The following PLEKHG7 variants were observed in gnomAD, a reference collection of about 807,000 sequenced individuals.
PLEKHG7 encodes the protein pleckstrin homology domain-containing family G member 7.
Under a neutral mutation model 85.2 loss-of-function variants are expected in PLEKHG7, and 77 were observed. The observed-to-expected ratio is 0.90, with a 90% confidence interval of 0.75 to 1.09. The LOEUF (loss-of-function observed/expected upper bound fraction) is 1.09, where lower values mean the gene tolerates loss of function less well. Ranked by LOEUF, PLEKHG7 falls within the 50% of genes least tolerant of loss-of-function variation. The pLI is 0.00. For missense variants in PLEKHG7, 777 were observed against 804.3 expected (o/e 0.97, Z 0.41); for synonymous variants, 301 against 302.4 (o/e 1.00, Z 0.05).
At chr12:92,713,491 G>GGCCTCTGCAC (rs1871404347) in intron 3 of PLEKHG7, among the ~76,000 whole-genome samples, 1 of 152,142 alleles carries the variant, frequency 6.6e-6, no homozygotes, top group Non-Finnish European at 1.5e-5. Context: ...GTTGAGTGCT[G>GGCCTCTGCAC]CCACCTGGCC....
chr12:92,704,289 A>G (rs1871171393), intron 1 of PLEKHG7, among the ~76,000 whole-genome samples: 1 of 152,074 alleles, frequency 6.6e-6, no homozygotes. Flanking sequence ...GAAAGAAAGT[A>G]CCTATAGATT....
chr12:92,760,447 A>G (rs1872954244), intron 13 of PLEKHG7, among the ~76,000 whole-genome samples: 1 of 152,204 alleles, frequency 6.6e-6, no homozygotes, highest in African/African-American at 2.4e-5. Context: ...GATAGAAATG[A>G]ATCCTAAATG....
chr12:92,747,786 G>A (rs1188941744), intron 10 of PLEKHG7, among the ~76,000 whole-genome samples: 3 of 152,182 alleles, frequency 2.0e-5, no homozygotes, highest in Non-Finnish European at 2.9e-5. Flanking sequence ...AGTGAAATAA[G>A]CCAAGCACAG....
Position 92,764,202 on chromosome 12 carries a change from T to C in PLEKHG7, c.1870+8T>C. The C allele has an allele frequency of 4.4e-6, 7 of 1,595,036 alleles. No homozygotes were observed. Among genetic ancestry groups the C allele is most frequent in the Non-Finnish European group, 6.0e-6 (7 of 1,170,030 alleles). On this transcript the variant is annotated splice_region_variant and intron_variant, in intron 15 of 16. Transcript: ENST00000344636. ...AACCACTCCATGTGTCAGGTATGTG[T>C]CTATTTTCATTATTCAGCTCATCTG...
intron 3 of PLEKHG7, among the ~76,000 whole-genome samples, chr12:92,722,493 C>A (rs1201846288): frequency 6.6e-6 from 1 of 152,112 alleles, no homozygotes. Context: ...CCAGAATTAG[C>A]ATTAGTGGGT....
chr12:92,762,238 G>T (rs939329391), intron 14 of PLEKHG7, among the ~76,000 whole-genome samples: 16 of 152,100 alleles, frequency 1.1e-4, no homozygotes, highest in African/African-American at 3.6e-4. Context: ...CCAGAGTAGG[G>T]CCCCTCTGAA....
intron 13 of PLEKHG7, among the ~76,000 whole-genome samples, chr12:92,759,255 T>G (rs1386792674): frequency 1.3e-5 from 2 of 152,214 alleles, no homozygotes; most frequent in Non-Finnish European, 1.5e-5. Context: ...TAGAATAATG[T>G]CTGTAACATT....
intron 3 of PLEKHG7, among the ~76,000 whole-genome samples, chr12:92,721,702 C>CAAAAAAAAAAAAAAA: frequency 2.3e-5 from 1 of 43,370 alleles, no homozygotes; most frequent in Non-Finnish European, 4.4e-5. Flanking sequence ...AGCATAAAAC[C>CAAAAAAAAAAAAAAA]AAAAAAAAAA....
chr12:92,756,715 CGTT>C (rs1251767119), intron 13 of PLEKHG7, among the ~76,000 whole-genome samples: 1 of 152,182 alleles, frequency 6.6e-6, no homozygotes, highest in Non-Finnish European at 1.5e-5. Flanking sequence ...TCATCATAAT[CGTT>C]GTACTCCCCC....
intron 3 of PLEKHG7, among the ~76,000 whole-genome samples, chr12:92,715,680 G>A (rs1218348183): frequency 2.2e-5 from 3 of 135,036 alleles, no homozygotes; most frequent in Non-Finnish European, 3.1e-5. Flanking sequence ...TCTGCATGAG[G>A]CCCCACTGTC....
chr12:92,752,782 G>A (rs1387577136), intron 10 of PLEKHG7, among the ~76,000 whole-genome samples: 1 of 152,154 alleles, frequency 6.6e-6, no homozygotes, highest in African/African-American at 2.4e-5. Flanking sequence ...CCATAGACTG[G>A]GTGGCTTATA....
rs931438093 is a variant in PLEKHG7, at chr12:92,771,125, A to T, written c.*930A>T. ...AATAATTATTATCATGGCAGGATAT[A>T]TACTATTAACTACATTCAAGGAACT... is the stretch of plus-strand genomic sequence containing the variant. On this transcript the variant is annotated 3_prime_UTR_variant, in exon 17 of 17. Transcript: ENST00000344636. The T allele has an allele frequency of 2.6e-5, 4 of 152,090 alleles. No homozygotes were observed. Among genetic ancestry groups the T allele is most frequent in the Non-Finnish European group, 5.9e-5 (4 of 67,976 alleles). The allele number at this position is 152,090 out of a possible 1,614,324, so 9.4% of individuals were successfully genotyped here. A position where few individuals can be genotyped will look rare whatever the true frequency, so the allele number is the denominator to read the frequency against.
chr12:92,759,296 G>T (rs1003848384), intron 13 of PLEKHG7, among the ~76,000 whole-genome samples: 8 of 152,280 alleles, frequency 5.3e-5, no homozygotes, highest in African/African-American at 1.9e-4. Flanking sequence ...TACGTAGAAG[G>T]TGTGCTCCCT....
Position 92,708,284 on chromosome 12 carries a change from G to A in PLEKHG7, c.530+612G>A, listed in dbSNP as rs1393348781. On this transcript the variant is annotated intron_variant, in intron 3 of 16. Transcript: ENST00000344636. ...CCTGACTTGTGGGATTGGCAGGAAA[G>A]CCCTCATTTCATTTGAAAAGTCACA... The A allele has an allele frequency of 2.6e-5, 4 of 152,304 alleles. No individual in the cohort carries two copies. In the East Asian group the frequency reaches 7.7e-4, roughly 29 times the overall value. The allele number at this position is 152,304 out of a possible 1,614,324, so 9.4% of individuals were successfully genotyped here.
intron 4 of PLEKHG7, among the ~76,000 whole-genome samples, chr12:92,731,387 G>A (rs1378465891): frequency 1.3e-5 from 2 of 152,178 alleles, no homozygotes; most frequent in Non-Finnish European, 2.9e-5. Context: ...TGCAGTAAAT[G>A]CTGCTCAGTT....
Position 92,769,054 on chromosome 12 carries a change from T to G in PLEKHG7, c.1942T>G (p.Leu648Val). The change falls in exon 16 of 17, where the codon TTA becomes GTA. Residue 648 changes from leucine to valine, a missense_variant. Physicochemically the swap from Leu to Val is conservative, Grantham distance 32 (BLOSUM62 1). Transcript: ENST00000344636. ...RYRQCIAAFL[L>V]QAQTENIKKT... ...TCGACAGTGTATAGCAGCATTCTTATTACAAGCCCAAACGGAAAACATCAA... is the reference window on the plus strand; with the variant it reads ...TCGACAGTGTATAGCAGCATTCTTAGTACAAGCCCAAACGGAAAACATCAA... The G allele has an allele frequency of 3.1e-6, 5 of 1,597,688 alleles. No homozygotes were observed. Among genetic ancestry groups the G allele is most frequent in the Non-Finnish European group, 4.3e-6 (5 of 1,167,300 alleles).
chr12:92,730,601 G>A (rs1034525925), intron 4 of PLEKHG7, among the ~76,000 whole-genome samples: 6 of 152,190 alleles, frequency 3.9e-5, no homozygotes, highest in Admixed American at 3.9e-4. Flanking sequence ...TGTACTTTTA[G>A]TAGAGACGAA....
chr12:92,744,029 T>A (rs1288830475), intron 9 of PLEKHG7, among the ~76,000 whole-genome samples: 1 of 152,180 alleles, frequency 6.6e-6, no homozygotes, highest in Admixed American at 6.5e-5. Context: ...TCAAATTACT[T>A]CTTGCTGAAG....
chr12:92,723,963 T>C (rs1384599957), intron 3 of PLEKHG7, among the ~76,000 whole-genome samples: 1 of 152,210 alleles, frequency 6.6e-6, no homozygotes, highest in Admixed American at 6.5e-5. Flanking sequence ...GTCCATTTTT[T>C]TCCCAAAAAT....
Sources: gnomAD v4.1 joint callset for allele counts (sites outside exome capture counted in the v4.1 genomes callset) on GRCh38, gnomAD v4.1.1 for gene constraint, MANE v1.5 for transcripts, NCBI Gene and HGNC (gene_info 2026-07-23, HGNC 2026-07-21) for gene names.